The following RUNX1 variants were observed in gnomAD, a reference collection of about 807,000 sequenced individuals.
RUNX1 encodes RUNX family transcription factor 1.
RUNX1 carries 19 observed loss-of-function variants against 42.8 expected under a neutral mutation model. The ratio of observed to expected loss-of-function variants is 0.44; its 90% CI spans 0.31 to 0.65. The LOEUF (loss-of-function observed/expected upper bound fraction) is 0.65, where lower values mean the gene tolerates loss of function less well. Ranked by LOEUF, RUNX1 falls within the 30% of genes least tolerant of loss-of-function variation. The pLI is 0.07. For synonymous variants in RUNX1, 271 were observed against 289.4 expected (o/e 0.94, Z 0.64); for missense variants, 528 against 672.0 (o/e 0.79, Z 2.37).
chr21:34,840,352 C>T (rs1358176442), intron 6 of RUNX1, among the ~76,000 whole-genome samples: 9 of 152,282 alleles, frequency 5.9e-5, no homozygotes, highest in Middle Eastern at 6.8e-3. Context: ...CTAGAGTAGG[C>T]GTTAAGAATT....
At chr21:35,002,241 C>T (rs2059050046) in intron 2 of RUNX1, among the ~76,000 whole-genome samples, 1 of 151,904 alleles carries the variant, frequency 6.6e-6, no homozygotes, top group Non-Finnish European at 1.5e-5. Flanking sequence ...CTCCCAGTGT[C>T]ACCTCCTTCA....
rs908087245 is a variant in RUNX1, at chr21:34,965,642, G to C, written c.59-72679C>G. On this transcript the variant is annotated intron_variant, in intron 2 of 8. Coordinates refer to ENST00000675419, the MANE Select transcript of RUNX1 (RefSeq NM_001754.5). ...TGCATGTCCTTGTTTACTTTCTGTG[G>C]AGCCCCATTTCCTCCCTAGAATTCC... Among the ~76,000 whole-genome samples the C allele has an allele frequency of 4.3e-4, 65 of 152,112 alleles. 1 individual carries two copies. The highest frequency in any genetic ancestry group is 1.5e-3 in the African/African-American group (62 of 41,390).
In RUNX1 at chr21:34,889,912, C is replaced by T. The variant is rs558854436; in HGVS notation, c.98-2816G>A. On this transcript the variant is annotated intron_variant, in intron 3 of 8. Transcript: ENST00000675419. ...TCTCATCCACCCCGGGGCTGCAACC[C>T]AGTCCCCGGATCCCGGCCCCGTTCC... 9.3e-5 allele frequency: 92 copies of T among 992,282 alleles called. 1 individual carries two copies. In the South Asian group the frequency reaches 3.8e-3, roughly 41 times the overall value. 61.5% of individuals were successfully genotyped at this position (992,282 alleles called of 1,614,324 possible).
At chr21:35,012,750 A>G (rs2059134680) in intron 2 of RUNX1, among the ~76,000 whole-genome samples, 1 of 152,152 alleles carries the variant, frequency 6.6e-6, no homozygotes, top group African/African-American at 2.4e-5. Flanking sequence ...ATGAATGATT[A>G]CACTTGCTGT....
chr21:35,012,637 G>A (rs1163103111), intron 2 of RUNX1, among the ~76,000 whole-genome samples: 1 of 152,182 alleles, frequency 6.6e-6, no homozygotes, highest in South Asian at 2.1e-4. Flanking sequence ...TATGACATAG[G>A]ACATATGTCC....
chr21:34,858,522 C>T (rs7282751), intron 6 of RUNX1, among the ~76,000 whole-genome samples: 2,549 of 152,288 alleles, frequency 0.017, 44 homozygotes, highest in East Asian at 0.071. Context: ...TTAAGAATTC[C>T]ACTGGCTTGC....
At chr21:34,823,288 G>A (rs1420935229) in intron 7 of RUNX1, among the ~76,000 whole-genome samples, 2 of 152,186 alleles carry the variant, frequency 1.3e-5, no homozygotes, top group South Asian at 2.1e-4. Context: ...GGAGGATTGA[G>A]CTGGACATTA....
At chr21:34,887,954 A>T in intron 3 of RUNX1, 1 of 1,065,924 alleles carries the variant, frequency 9.4e-7, no homozygotes, top group Non-Finnish European at 1.1e-6. Context: ...AACAACAATC[A>T]TAAGAAGGCC....
At chr21:34,950,932 C>T (rs1231456349) in intron 2 of RUNX1, among the ~76,000 whole-genome samples, 3 of 152,206 alleles carry the variant, frequency 2.0e-5, no homozygotes, top group African/African-American at 7.2e-5. Flanking sequence ...AATTAAAGTT[C>T]TGTTTATAAA....
chr21:34,809,670 C>T (rs1331909306), intron 7 of RUNX1, among the ~76,000 whole-genome samples: 1 of 152,196 alleles, frequency 6.6e-6, no homozygotes, highest in East Asian at 1.9e-4. Context: ...CCAATCTCCA[C>T]TGTGCTGATG....
intron 2 of RUNX1, among the ~76,000 whole-genome samples, chr21:34,924,682 G>A (rs1418953325): frequency 2.0e-5 from 3 of 152,176 alleles, no homozygotes; most frequent in Admixed American, 6.5e-5. Flanking sequence ...ATGCTGAAGA[G>A]TTCAATTTTA....
At chr21:34,941,957 G>A (rs1287011318) in intron 2 of RUNX1, among the ~76,000 whole-genome samples, 6 of 151,672 alleles carry the variant, frequency 4.0e-5, no homozygotes, top group African/African-American at 1.5e-4. Context: ...CTTTTGGAGG[G>A]CACTCTGAAC....
chr21:34,837,568 T>C (rs1000643581), intron 6 of RUNX1, among the ~76,000 whole-genome samples: 5 of 152,262 alleles, frequency 3.3e-5, no homozygotes, highest in African/African-American at 1.2e-4. Flanking sequence ...CAGTTTCCTG[T>C]ATCTGTGTTC....
At chr21:34,893,584 C>T (rs1045463248) in intron 2 of RUNX1, among the ~76,000 whole-genome samples, 1 of 152,206 alleles carries the variant, frequency 6.6e-6, no homozygotes, top group African/African-American at 2.4e-5. Context: ...TCACATGAAG[C>T]TCTTTTTCTT....
chr21:34,855,385 C>A (rs1199924956), intron 6 of RUNX1, among the ~76,000 whole-genome samples: 1 of 151,980 alleles, frequency 6.6e-6, no homozygotes, highest in African/African-American at 2.4e-5. Context: ...TTCATTAGAT[C>A]CTAGAAATAT....
intron 2 of RUNX1, among the ~76,000 whole-genome samples, chr21:35,010,427 C>T (rs1427327144): frequency 6.6e-6 from 1 of 152,130 alleles, no homozygotes; most frequent in Non-Finnish European, 1.5e-5. Flanking sequence ...TCTGTGCCTT[C>T]TTACCAGACA....
At chr21:34,833,370 C>G (rs2057093399) in intron 7 of RUNX1, 1 of 152,280 alleles carries the variant, frequency 6.6e-6, no homozygotes, top group Non-Finnish European at 1.5e-5. Context: ...TCCCAAAGTG[C>G]TGGGATTACA....
chr21:35,026,042 G>A (rs1040506937), intron 2 of RUNX1, among the ~76,000 whole-genome samples: 20 of 152,124 alleles, frequency 1.3e-4, no homozygotes, highest in South Asian at 2.1e-4. Flanking sequence ...CTGGTGCACC[G>A]TGGCACAGGG....
chr21:34,924,401 G>A (rs570299054), intron 2 of RUNX1, among the ~76,000 whole-genome samples: 1 of 152,298 alleles, frequency 6.6e-6, no homozygotes, highest in East Asian at 1.9e-4. Flanking sequence ...GTGACTAATT[G>A]TCTTGGAAGG....
Sources: allele counts gnomAD v4.1 joint callset (sites outside exome capture counted in the v4.1 genomes callset), GRCh38; gene constraint gnomAD v4.1.1; transcripts MANE v1.5; gene names NCBI Gene and HGNC (gene_info 2026-07-23, HGNC 2026-07-21).